Variants in DNAH6 observed in about 807,000 individuals in gnomAD.
The protein encoded by DNAH6 is dynein axonemal heavy chain 6.
DNAH6 carries 340 observed loss-of-function variants against 491.4 expected under a neutral mutation model. The observed-to-expected ratio is 0.69, with a 90% CI of 0.63 to 0.76. The LOEUF (loss-of-function observed/expected upper bound fraction) is 0.76, where lower values mean the gene tolerates loss of function less well. DNAH6 is among the 30% of genes least tolerant of loss of function. DNAH6 has a pLI of 0.00. For missense variants in DNAH6, 4,443 were observed against 4,972.2 expected (o/e 0.89, Z 3.20); for synonymous variants, 1,603 against 1,686.1 (o/e 0.95, Z 1.21).
intron 44 of DNAH6, 44 bp downstream of exon 44, chr2:84,686,601 G>A (rs1694282634): frequency 1.8e-6 from 2 of 1,127,558 alleles, no homozygotes; most frequent in Non-Finnish European, 2.5e-6. Flanking sequence ...AAATTGTAAA[G>A]CATTTATTAT....
chr2:84,596,529 C>G lies in DNAH6; in HGVS notation c.2868+740C>G, dbSNP rs190688306. Among the ~76,000 whole-genome samples the G allele has an allele frequency of 4.3e-3, 659 of 152,140 alleles. 5 individuals are homozygous for G. The highest frequency in any genetic ancestry group is 0.015 in the African/African-American group (637 of 41,510). ...TTTTTTCAGTAGAGACAGGGTTTCACTATGTTGGTCAGGCTGGCCTCAAAA... is the reference window on the plus strand; with the variant it reads ...TTTTTTCAGTAGAGACAGGGTTTCAGTATGTTGGTCAGGCTGGCCTCAAAA... On this transcript the variant is annotated intron_variant, in intron 18 of 76. Coordinates refer to ENST00000389394, the MANE Select transcript of DNAH6 (RefSeq NM_001370.2).
chr2:84,785,090 G>GAGAA (rs1677054037), intron 66 of DNAH6, among the ~76,000 whole-genome samples: 1 of 152,178 alleles, frequency 6.6e-6, no homozygotes, highest in Non-Finnish European at 1.5e-5. Context: ...ACCCCTTCTA[G>GAGAA]TGTTAAGGGA....
chr2:84,620,128 G>A (rs540634108), intron 24 of DNAH6, among the ~76,000 whole-genome samples: 7 of 152,206 alleles, frequency 4.6e-5, no homozygotes, highest in South Asian at 4.1e-4. Context: ...TTCTGTTGCC[G>A]GAAATAGAGT....
intron 71 of DNAH6, among the ~76,000 whole-genome samples, chr2:84,806,400 A>T (rs946995862): frequency 6.6e-6 from 1 of 152,318 alleles, no homozygotes; most frequent in South Asian, 2.1e-4. Flanking sequence ...CAGGCGGATC[A>T]CAAGGTCAGG....
At chr2:84,544,531 A>G in intron 5 of DNAH6, 31 bp downstream of exon 5, 1 of 1,218,852 alleles carries the variant, frequency 8.2e-7, no homozygotes, top group South Asian at 1.6e-5. Context: ...TTTTAAAATA[A>G]TTACTTACAA....
intron 11 of DNAH6, among the ~76,000 whole-genome samples, chr2:84,565,469 T>C (rs1681103122): frequency 6.6e-6 from 1 of 152,072 alleles, no homozygotes; most frequent in African/African-American, 2.4e-5. Flanking sequence ...CTAGATTTTC[T>C]AATTCGTGTA....
intron 73 of DNAH6, 31 bp downstream of exon 73, chr2:84,812,557 G>T (rs1206145735): frequency 6.5e-7 from 1 of 1,533,198 alleles, no homozygotes; most frequent in Non-Finnish European, 8.8e-7. Context: ...GGGTTTTGAT[G>T]AATCTGATGG....
chr2:84,548,535 A>G, intron 8 of DNAH6, 118 bp downstream of exon 8: 1 of 1,126,438 alleles, frequency 8.9e-7, no homozygotes, highest in Non-Finnish European at 1.3e-6. Flanking sequence ...TCATATCACT[A>G]TGTATATCAA....
At chr2:84,511,451 A>AG in the DNAH6 span, among the ~76,000 whole-genome samples, 1 of 152,052 alleles carries the variant, frequency 6.6e-6, no homozygotes, top group African/African-American at 2.4e-5. Flanking sequence ...GAGTGACCCA[A>AG]TTTTCCAGGT....
the DNAH6 span, among the ~76,000 whole-genome samples, chr2:84,508,405 G>A: frequency 1.6e-4 from 25 of 152,144 alleles, no homozygotes; most frequent in African/African-American, 5.8e-4. Context: ...TGTGGGATTG[G>A]TGGTGATATC....
chr2:84,714,381 C>T (rs1330276904), intron 57 of DNAH6, among the ~76,000 whole-genome samples: 1 of 152,128 alleles, frequency 6.6e-6, no homozygotes, highest in East Asian at 1.9e-4. Flanking sequence ...AATTACACAG[C>T]CACTGCCAGG....
Position 84,621,258 on chromosome 2 carries a change from C to A in DNAH6, c.3860C>A (p.Ala1287Asp), listed in dbSNP as rs1207189797. 1.9e-6 allele frequency: 3 copies of A among 1,551,458 alleles called. No homozygotes were observed. Among genetic ancestry groups the A allele is most frequent in the East Asian group, 2.4e-5 (1 of 40,928 alleles). ...GAATGGCTTGGTAAAGTGGAAGAAGCCATGTTCACATCTCTGCGTCGCCTG... is the reference window on the plus strand; with the variant it reads ...GAATGGCTTGGTAAAGTGGAAGAAGACATGTTCACATCTCTGCGTCGCCTG... ...VEEWLGKVEE[A>D]MFTSLRRLCK... The change falls in exon 25 of 77, where the codon GCC becomes GAC. Residue 1287 changes from alanine (A) to aspartate (D), a missense_variant. Around this residue, in one of 3 missense-constraint regions of DNAH6, gnomAD observed 2,977 missense variants for 3,296.6 expected, o/e 0.90. Transcript: ENST00000389394.
At chr2:84,704,849 T>C (rs530053402) in intron 51 of DNAH6, among the ~76,000 whole-genome samples, 1 of 152,342 alleles carries the variant, frequency 6.6e-6, no homozygotes, top group East Asian at 1.9e-4. Flanking sequence ...TATGTTGTAA[T>C]GAACCTTTCT....
At chr2:84,579,995 A>G (rs575126221) in intron 14 of DNAH6, among the ~76,000 whole-genome samples, 36 of 152,366 alleles carry the variant, frequency 2.4e-4, no homozygotes, top group African/African-American at 8.7e-4. Flanking sequence ...GTGTGATCCG[A>G]GATCACAAAC....
chr2:84,700,100 A>G (rs369541736), intron 48 of DNAH6, among the ~76,000 whole-genome samples: 4 of 152,218 alleles, frequency 2.6e-5, no homozygotes, highest in Admixed American at 2.6e-4. Flanking sequence ...GCTAGGGGAC[A>G]TGTGAGGTCA....
In DNAH6 at chr2:84,706,860, T is replaced by G. The variant is rs779960690; in HGVS notation, c.8728-36T>G. 4.0e-6 allele frequency: 6 copies of G among 1,514,538 alleles called. No individual in the cohort carries two copies. In the African/African-American group the frequency reaches 8.5e-5, roughly 21 times the overall value. 93.8% of individuals were successfully genotyped at this position (1,514,538 alleles called of 1,614,324 possible). On this transcript the variant is annotated intron_variant, in intron 52 of 76. Transcript: ENST00000389394. ...TTAATGGGCAAATTCAGCCTTTTTTTGGCCCTGTTCTTAAACAGTTGCTTG... is the reference window on the plus strand; with the variant it reads ...TTAATGGGCAAATTCAGCCTTTTTTGGGCCCTGTTCTTAAACAGTTGCTTG...
chr2:84,615,615 A>T (rs1174602846), intron 22 of DNAH6, among the ~76,000 whole-genome samples: 2 of 152,092 alleles, frequency 1.3e-5, no homozygotes, highest in African/African-American at 2.4e-5. Flanking sequence ...GAGTTTATAG[A>T]TTGCTTATGG....
chr2:84,795,924 T>C (rs1678299118), intron 68 of DNAH6, among the ~76,000 whole-genome samples: 1 of 152,238 alleles, frequency 6.6e-6, no homozygotes, highest in African/African-American at 2.4e-5. Flanking sequence ...ATTTTACTCA[T>C]TGTCTCCGAA....
chr2:84,521,214 C>T (rs1479244874), intron 2 of DNAH6, among the ~76,000 whole-genome samples: 1 of 151,930 alleles, frequency 6.6e-6, no homozygotes, highest in Non-Finnish European at 1.5e-5. Flanking sequence ...TTGCGTTTCT[C>T]TAATGACCAG....
Sources: allele counts gnomAD v4.1 joint callset (sites outside exome capture counted in the v4.1 genomes callset), GRCh38; gene constraint gnomAD v4.1.1; regional missense constraint gnomAD v4.1.1; transcripts MANE v1.5; gene names NCBI Gene and HGNC (gene_info 2026-07-23, HGNC 2026-07-21).